GRM1: variants seen among roughly 807,000 people sequenced by gnomAD.
The protein encoded by GRM1 is glutamate metabotropic receptor 1, also known as metabotropic glutamate receptor 1.
GRM1 carries 33 observed loss-of-function variants against 90.9 expected under a neutral mutation model. The observed-to-expected ratio is 0.36, with a 90% CI of 0.28 to 0.49. GRM1 has a LOEUF of 0.49. Among genes scored for constraint, GRM1 ranks in the 20% least tolerant of loss-of-function variants. The pLI, the probability that GRM1 is intolerant of heterozygous loss-of-function variation, is 0.99. For synonymous variants in GRM1, 700 were observed against 613.2 expected (o/e 1.14, Z -2.09); for missense variants, 1,190 against 1,534.3 (o/e 0.78, Z 3.75).
chr6:146,425,895 A>G (rs6570764), intron 7 of GRM1, among the ~76,000 whole-genome samples: 77,029 of 151,936 alleles, frequency 0.51, 19,594 homozygotes, highest in South Asian at 0.6. Context: ...ATGTCTAGCT[A>G]GTTCTCTTCT....
chr6:146,175,225 T>C (rs1000272697), intron 2 of GRM1, among the ~76,000 whole-genome samples: 2 of 152,228 alleles, frequency 1.3e-5, no homozygotes, highest in African/African-American at 4.8e-5. Flanking sequence ...TGGAAATCAC[T>C]TTTTCTGATT....
At chr6:146,224,491 A>G (rs1780173582) in intron 2 of GRM1, among the ~76,000 whole-genome samples, 1 of 152,130 alleles carries the variant, frequency 6.6e-6, no homozygotes, top group Non-Finnish European at 1.5e-5. Flanking sequence ...TATTTTTCAC[A>G]ATGGCTGTTA....
At chr6:146,189,679 T>C (rs1486971864) in intron 2 of GRM1, among the ~76,000 whole-genome samples, 2 of 152,186 alleles carry the variant, frequency 1.3e-5, no homozygotes, top group African/African-American at 4.8e-5. Context: ...GTAGGAGAGT[T>C]AGGATTTAAA....
rs373460833 is a variant in GRM1, at chr6:146,352,380, C to T, written c.1317C>T (p.Cys439=). ...HALCPGHVGL[C]DAMKPIDGSK... is the part of the protein sequence containing the mutation. ...TCTGCCCTGGCCACGTGGGCCTCTG[C>T]GATGCCATGAAGCCCATCGACGGCA... Residue 439 remains cysteine, a synonymous_variant, in exon 4 of 8, where the codon TGC becomes TGT. Transcript: ENST00000282753. 1.3e-5 allele frequency: 21 copies of T among 1,613,868 alleles called. No homozygotes were observed. Among genetic ancestry groups the T allele is most frequent in the South Asian group, 2.2e-5 (2 of 91,080 alleles).
chr6:146,304,573 T>C (rs763461053), intron 2 of GRM1, 38 bp from the exon 3 acceptor site: 1 of 1,335,028 alleles, frequency 7.5e-7, no homozygotes, highest in South Asian at 1.2e-5. Context: ...GAGATGTTTG[T>C]CTTTCTCTCT....
chr6:146,148,394 A>G (rs1777192854), intron 1 of GRM1, among the ~76,000 whole-genome samples: 1 of 152,112 alleles, frequency 6.6e-6, no homozygotes, highest in African/African-American at 2.4e-5. Flanking sequence ...ATTGATATAT[A>G]TTTTTAAAAA....
chr6:146,297,687 C>T (rs1783228394), intron 2 of GRM1, among the ~76,000 whole-genome samples: 1 of 152,084 alleles, frequency 6.6e-6, no homozygotes, highest in Non-Finnish European at 1.5e-5. Flanking sequence ...CCATTGGATT[C>T]ACGTTTGAAA....
intron 2 of GRM1, among the ~76,000 whole-genome samples, chr6:146,290,982 C>A (rs921079642): frequency 2.0e-5 from 3 of 151,698 alleles, no homozygotes; most frequent in Admixed American, 1.3e-4. Flanking sequence ...CAATAATGAC[C>A]CCCCAAAAAT....
In GRM1 at chr6:146,082,117, AG is replaced by A. The variant is rs200445720; in HGVS notation, c.700+51901del. The stretch of plus-strand genomic sequence containing the variant: ...TAGGTGGAGTGGATCTCAAATCTAG[AG>A]ACATTAACTCCCTTAAGGAATTCTG... On this transcript the variant is annotated intron_variant, in intron 1 of 7. Coordinates refer to ENST00000282753, the MANE Select transcript of GRM1 (RefSeq NM_001278064.2). 2.5e-3 allele frequency among the ~76,000 whole-genome samples: 380 copies of A among 152,066 alleles called. 5 individuals are homozygous for A. In the East Asian group the frequency reaches 0.037, roughly 15 times the overall value.
chr6:146,396,401 A>G (rs1375119704), intron 6 of GRM1, among the ~76,000 whole-genome samples: 1 of 152,178 alleles, frequency 6.6e-6, no homozygotes, highest in Non-Finnish European at 1.5e-5. Flanking sequence ...CACGGGAAGT[A>G]TTCTTGTAAA....
At chr6:146,235,294 ATT>A (rs1780599011) in intron 2 of GRM1, among the ~76,000 whole-genome samples, 1 of 152,026 alleles carries the variant, frequency 6.6e-6, no homozygotes, top group Non-Finnish European at 1.5e-5. Flanking sequence ...TGTTTTTGTT[ATT>A]CCTATCTTTG....
intron 2 of GRM1, among the ~76,000 whole-genome samples, chr6:146,222,980 C>T (rs146582403): frequency 2.0e-5 from 3 of 151,250 alleles, no homozygotes; most frequent in Admixed American, 6.6e-5. Flanking sequence ...AATATTAGAG[C>T]GTAGGAAAGA....
At chr6:146,330,218 C>A (rs1784540837) in intron 3 of GRM1, among the ~76,000 whole-genome samples, 1 of 152,170 alleles carries the variant, frequency 6.6e-6, no homozygotes, top group Non-Finnish European at 1.5e-5. Flanking sequence ...AGTGAAGATT[C>A]ATGCTGCATT....
intron 5 of GRM1, among the ~76,000 whole-genome samples, chr6:146,373,347 C>T (rs775573936): frequency 1.3e-5 from 2 of 152,144 alleles, no homozygotes; most frequent in Non-Finnish European, 2.9e-5. Flanking sequence ...AACTTACAAT[C>T]ATGGCAGAAG....
intron 7 of GRM1, among the ~76,000 whole-genome samples, chr6:146,431,467 T>C (rs1354471816): frequency 6.6e-6 from 1 of 152,174 alleles, no homozygotes; most frequent in African/African-American, 2.4e-5. Context: ...ACATTAGGGC[T>C]TTCAGGAAAC....
At chr6:146,178,006 T>C (rs1778395998) in intron 2 of GRM1, among the ~76,000 whole-genome samples, 1 of 152,194 alleles carries the variant, frequency 6.6e-6, no homozygotes, top group South Asian at 2.1e-4. Flanking sequence ...TTTATTAACA[T>C]ATTTTATTAG....
intron 7 of GRM1, chr6:146,426,739 G>A: frequency 1.5e-6 from 1 of 674,098 alleles, no homozygotes. Context: ...TGTGGTGCAT[G>A]CCATCAGAAT....
intron 3 of GRM1, among the ~76,000 whole-genome samples, chr6:146,328,955 G>A (rs2876648): frequency 0.1 from 15,588 of 152,142 alleles, 2,156 homozygotes; most frequent in African/African-American, 0.31. Context: ...TGCCAGTGGC[G>A]TGGGGCAGCC....
At chr6:146,264,034 C>G (rs1781788523) in intron 2 of GRM1, among the ~76,000 whole-genome samples, 1 of 152,080 alleles carries the variant, frequency 6.6e-6, no homozygotes, top group Non-Finnish European at 1.5e-5. Context: ...TATATTAATA[C>G]TGCTCTTGTT....
Sources: gnomAD v4.1 joint callset for allele counts (sites outside exome capture counted in the v4.1 genomes callset) on GRCh38, gnomAD v4.1.1 for gene constraint, MANE v1.5 for transcripts, NCBI Gene and HGNC (gene_info 2026-07-23, HGNC 2026-07-21) for gene names.